Variants in CNTN5 observed in about 807,000 individuals in gnomAD.
CNTN5 encodes the protein contactin-5.
Under a neutral mutation model 129.1 loss-of-function variants are expected in CNTN5, and 77 were observed. The ratio of observed to expected loss-of-function variants is 0.60; its 90% CI spans 0.50 to 0.72. The LOEUF (loss-of-function observed/expected upper bound fraction) is 0.72, where lower values mean the gene tolerates loss of function less well. CNTN5 is among the 30% of genes least tolerant of loss of function. CNTN5 has a pLI of 0.00. For missense variants in CNTN5, 1,478 were observed against 1,328.8 expected (o/e 1.11, Z -1.75); for synonymous variants, 509 against 465.6 (o/e 1.09, Z -1.20).
intron 18 of CNTN5, among the ~76,000 whole-genome samples, chr11:100,281,121 A>G (rs1243941132): frequency 2.0e-5 from 3 of 152,138 alleles, no homozygotes; most frequent in Non-Finnish European, 2.9e-5. Context: ...AGAGTAGTTT[A>G]TACTCCACAG....
chr11:100,031,610 T>A (rs753278409), intron 9 of CNTN5, among the ~76,000 whole-genome samples: 22 of 152,224 alleles, frequency 1.4e-4, no homozygotes, highest in Admixed American at 8.5e-4. Context: ...CTTCACGTCC[T>A]GTTTCTATGG....
At chr11:99,500,478 G>A (rs1306472537) in intron 2 of CNTN5, among the ~76,000 whole-genome samples, 1 of 152,020 alleles carries the variant, frequency 6.6e-6, no homozygotes, top group African/African-American at 2.4e-5. Context: ...CCAGAAAAAT[G>A]TTTATACCTA....
intron 1 of CNTN5, among the ~76,000 whole-genome samples, chr11:99,096,528 T>G (rs1156831355): frequency 6.6e-6 from 1 of 151,858 alleles, no homozygotes; most frequent in Non-Finnish European, 1.5e-5. Context: ...TCAAAGTGTT[T>G]TCATAGGTTT....
chr11:99,512,208 C>G (rs1946864000), intron 2 of CNTN5, among the ~76,000 whole-genome samples: 1 of 152,116 alleles, frequency 6.6e-6, no homozygotes. Flanking sequence ...TTTCATACCA[C>G]ATTTTGCTAT....
At chr11:99,229,194 A>G (rs567836962) in intron 1 of CNTN5, among the ~76,000 whole-genome samples, 3 of 152,148 alleles carry the variant, frequency 2.0e-5, no homozygotes, top group Admixed American at 2.0e-4. Context: ...ACTCATAAAA[A>G]TTTTTCATAA....
At chr11:99,094,409 A>C (rs1460887587) in intron 1 of CNTN5, among the ~76,000 whole-genome samples, 1 of 152,034 alleles carries the variant, frequency 6.6e-6, no homozygotes, top group African/African-American at 2.4e-5. Flanking sequence ...ATATTTAGAA[A>C]TACTTAAACT....
chr11:99,889,720 A>G lies in CNTN5; in HGVS notation c.578-26334A>G, dbSNP rs112666766. On this transcript the variant is annotated intron_variant, in intron 6 of 24. Transcript: ENST00000524871. ...CCAGCTAATTTTTAAAATATTTTTA[A>G]TAGATACTGGGTTTCACCATCTTGG... Among the ~76,000 whole-genome samples, 1,074 of 151,944 alleles carry G rather than the reference A, an allele frequency of 7.1e-3. 14 individuals carry two copies. Among genetic ancestry groups the G allele is most frequent in the African/African-American group, 0.025 (1,021 of 41,446 alleles).
intron 3 of CNTN5, among the ~76,000 whole-genome samples, chr11:99,757,147 C>T (rs1283816139): frequency 6.6e-6 from 1 of 151,932 alleles, no homozygotes; most frequent in Non-Finnish European, 1.5e-5. Flanking sequence ...CCATTCGTTT[C>T]TCTTAGCTTC....
rs1417732458 is a variant in CNTN5, at chr11:99,382,845, C to CCTTTTTTTTTTTTTTT, written c.-71+57361_-71+57362insCTTTTTTTTTTTTTTT. Among the ~76,000 whole-genome samples, 5 of 77,046 alleles carry CCTTTTTTTTTTTTTTT rather than the reference C, an allele frequency of 6.5e-5. No homozygotes were observed. In the East Asian group the frequency reaches 2.1e-3, roughly 33 times the overall value. 50.5% of individuals were successfully genotyped at this position (77,046 alleles called of 152,430 possible). On this transcript the variant is annotated intron_variant, in intron 2 of 24. Transcript: ENST00000524871. ...ACATCTCACTAGTGTCTCTAAATAA[C>CCTTTTTTTTTTTTTTT]TTTTTTTTTTTTTTTTTTTTTTTTT...
chr11:99,622,847 G>A (rs11220675), intron 3 of CNTN5, among the ~76,000 whole-genome samples: 102,987 of 150,942 alleles, frequency 0.68, 35,738 homozygotes, highest in Admixed American at 0.78. Context: ...GAAAAAAAAA[G>A]TGCCAAGTGA....
At chr11:99,657,462 C>T (rs1952419459) in intron 3 of CNTN5, among the ~76,000 whole-genome samples, 1 of 152,192 alleles carries the variant, frequency 6.6e-6, no homozygotes, top group East Asian at 1.9e-4. Flanking sequence ...TCCTTGATTG[C>T]TGTACACGGT....
At chr11:99,342,612 G>T (rs1866571151) in intron 2 of CNTN5, among the ~76,000 whole-genome samples, 1 of 140,718 alleles carries the variant, frequency 7.1e-6, no homozygotes, top group Non-Finnish European at 1.6e-5. Flanking sequence ...AGCAGGGCGT[G>T]GTGACACGTG....
intron 1 of CNTN5, among the ~76,000 whole-genome samples, chr11:99,256,387 G>T (rs147047450): frequency 6.3e-4 from 96 of 152,184 alleles, no homozygotes; most frequent in African/African-American, 2.2e-3. Flanking sequence ...TGATAGAACT[G>T]CCAAAAGCCA....
chr11:100,128,016 T>C lies in CNTN5; in HGVS notation c.1580+53722T>C, dbSNP rs570172905. Reference sequence around the variant, plus strand: ...AATGGCTACTCTGAGTCCTACACTGTCTTTTCTAATATCCTTTCTGCAGAT... The same window carrying C: ...AATGGCTACTCTGAGTCCTACACTGCCTTTTCTAATATCCTTTCTGCAGAT... On this transcript the variant is annotated intron_variant, in intron 13 of 24. Coordinates refer to ENST00000524871, the MANE Select transcript of CNTN5 (RefSeq NM_014361.4). Among the ~76,000 whole-genome samples the C allele has an allele frequency of 1.3e-3, 201 of 152,212 alleles. 2 individuals carry two copies. The highest frequency in any genetic ancestry group is 4.5e-3 in the African/African-American group (185 of 41,540).
Position 99,600,994 on chromosome 11 carries a change from CTTGTT to C in CNTN5, c.55+44730_55+44734del, listed in dbSNP as rs1252159253. ...GTAATTGGCTTAGGACCCTTCTCTCCTTGTTTTGTCTTAAATATTTATTTACTTTT... is the reference window on the plus strand; with the variant it reads ...GTAATTGGCTTAGGACCCTTCTCTCCTTGTCTTAAATATTTATTTACTTTT... On this transcript the variant is annotated intron_variant, in intron 3 of 24. Transcript: ENST00000524871. Among the ~76,000 whole-genome samples the C allele has an allele frequency of 2.0e-5, 3 of 152,126 alleles. 1 individual carries two copies. The South Asian group carries it at 6.2e-4, about 32-fold the overall frequency.
At chr11:99,272,110 C>T (rs952219536) in intron 1 of CNTN5, among the ~76,000 whole-genome samples, 8 of 151,766 alleles carry the variant, frequency 5.3e-5, no homozygotes, top group African/African-American at 1.9e-4. Flanking sequence ...TTTAATTAGT[C>T]GATTTGTTCA....
intron 1 of CNTN5, among the ~76,000 whole-genome samples, chr11:99,300,419 T>C (rs1864584857): frequency 6.6e-6 from 1 of 152,136 alleles, no homozygotes; most frequent in African/African-American, 2.4e-5. Flanking sequence ...TGAATTACAT[T>C]TATTGTTTTG....
At chr11:99,957,956 GAAGT>G (rs559464827) in intron 8 of CNTN5, among the ~76,000 whole-genome samples, 4 of 151,456 alleles carry the variant, frequency 2.6e-5, no homozygotes, top group South Asian at 2.1e-4. Flanking sequence ...CATAAACTGT[GAAGT>G]ATGTATTATA....
chr11:99,546,774 T>C (rs1468065579), intron 2 of CNTN5, among the ~76,000 whole-genome samples: 1 of 152,130 alleles, frequency 6.6e-6, no homozygotes, highest in Non-Finnish European at 1.5e-5. Flanking sequence ...TCCTACCACT[T>C]ACTCCTGGGC....
Sources: allele counts gnomAD v4.1 joint callset (sites outside exome capture counted in the v4.1 genomes callset), GRCh38; gene constraint gnomAD v4.1.1; transcripts MANE v1.5; gene names NCBI Gene and HGNC (gene_info 2026-07-23, HGNC 2026-07-21).